The following MMP26 variants were observed in gnomAD, a reference collection of about 807,000 sequenced individuals.
MMP26 encodes the protein matrix metalloproteinase-26.
Under a neutral mutation model 31.0 loss-of-function variants are expected in MMP26, and 33 were observed. That is an observed-to-expected ratio of 1.06 (90% confidence interval 0.81 to 1.42). The LOEUF is 1.42. Ranked by LOEUF, MMP26 falls within the 40% of genes most tolerant of loss-of-function variation. MMP26 has a pLI of 0.00. For synonymous variants in MMP26, 122 were observed against 114.9 expected, an observed-to-expected ratio of 1.06 and a Z score of -0.40; for missense variants, 347 against 316.1, an observed-to-expected ratio of 1.10 and a Z score of -0.74.
intron 2 of MMP26, chr11:4,860,572 T>C (rs1850139904): frequency 2.2e-6 from 1 of 452,610 alleles, no homozygotes; most frequent in Non-Finnish European, 4.6e-6. Context: ...CATGTTGTTC[T>C]CACCATCGGG....
At chr11:4,810,873 G>C (rs978090039) in intron 2 of MMP26, among the ~76,000 whole-genome samples, 1 of 152,162 alleles carries the variant, frequency 6.6e-6, no homozygotes, top group Non-Finnish European at 1.5e-5. Flanking sequence ...ATTTGAGAAA[G>C]GAAAACATAT....
chr11:4,950,426 C>T (rs1197362294), intron 2 of MMP26, among the ~76,000 whole-genome samples: 1 of 119,920 alleles, frequency 8.3e-6, no homozygotes, highest in Non-Finnish European at 1.9e-5. Context: ...ATAAGCCAGG[C>T]ACAGAAAGAC....
chr11:4,776,794 ATGTAAGT>A, intron 2 of MMP26, among the ~76,000 whole-genome samples: 1 of 152,194 alleles, frequency 6.6e-6, no homozygotes, highest in Admixed American at 6.5e-5. Context: ...TCTACCATGA[ATGTAAGT>A]TTCCCGAGTC....
At chr11:4,715,477 GA>G (rs1847917643) in intron 1 of MMP26, among the ~76,000 whole-genome samples, 5 of 152,166 alleles carry the variant, frequency 3.3e-5, no homozygotes, top group Admixed American at 3.3e-4. Flanking sequence ...TCAAATAGTG[GA>G]TCTAAAATTT....
At chr11:4,964,528 G>C (rs1846564175) in intron 2 of MMP26, among the ~76,000 whole-genome samples, 1 of 152,040 alleles carries the variant, frequency 6.6e-6, no homozygotes, top group African/African-American at 2.4e-5. Flanking sequence ...CAAAGACCTA[G>C]AGGCAAAAAT....
At chr11:4,779,898 A>AT (rs1848835922) in intron 2 of MMP26, among the ~76,000 whole-genome samples, 1 of 152,044 alleles carries the variant, frequency 6.6e-6, no homozygotes, top group African/African-American at 2.4e-5. Context: ...GAAGCACCGT[A>AT]TTTTTTTCCA....
At chr11:4,705,549 A>C (rs1159367556) in intron 1 of MMP26, among the ~76,000 whole-genome samples, 1 of 152,194 alleles carries the variant, frequency 6.6e-6, no homozygotes, top group Non-Finnish European at 1.5e-5. Context: ...AGGGATGTTT[A>C]AGTTATAGGC....
intron 2 of MMP26, among the ~76,000 whole-genome samples, chr11:4,847,284 C>T (rs770758777): frequency 6.6e-6 from 1 of 152,162 alleles, no homozygotes; most frequent in African/African-American, 2.4e-5. Context: ...TGAATGTATA[C>T]TGCTGCTACT....
chr11:4,824,631 T>C (rs1224981590), intron 2 of MMP26, among the ~76,000 whole-genome samples: 1 of 152,146 alleles, frequency 6.6e-6, no homozygotes, highest in African/African-American at 2.4e-5. Context: ...TGGTAAATTC[T>C]CTTGTCCTAT....
At chr11:4,867,906 G>T (rs1290827673) in intron 2 of MMP26, among the ~76,000 whole-genome samples, 1 of 152,146 alleles carries the variant, frequency 6.6e-6, no homozygotes, top group East Asian at 1.9e-4. Context: ...ATACCTAAAA[G>T]AATAAAAATT....
chr11:4,732,112 A>G (rs931284812), intron 1 of MMP26, among the ~76,000 whole-genome samples: 1 of 152,184 alleles, frequency 6.6e-6, no homozygotes, highest in Non-Finnish European at 1.5e-5. Flanking sequence ...GGTCATTACA[A>G]TGGAGTTTAC....
Position 4,908,218 on chromosome 11 carries a change from G to T in MMP26, c.-144-79850G>T, listed in dbSNP as rs7119629. The T allele has an allele frequency of 8.7e-6, 14 of 1,614,032 alleles. No homozygotes were observed. The African/African-American group carries it at 1.2e-4, about 14-fold the overall frequency. ...TTGCAGATATGTTCTTGTTGGTGCC[G>T]CCCCTTATGAACCCCATTGTGTACT... On this transcript the variant is annotated intron_variant, in intron 2 of 7. Transcript: ENST00000380390.
chr11:4,990,510 A>G, intron 4 of MMP26, 88 bp from the exon 5 acceptor site: 2 of 1,295,834 alleles, frequency 1.5e-6, no homozygotes, highest in Non-Finnish European at 2.1e-6. Flanking sequence ...CTATTAAATG[A>G]TTCTCCCCAA....
At chr11:4,763,630 T>A (rs1298068437) in intron 1 of MMP26, among the ~76,000 whole-genome samples, 2 of 152,198 alleles carry the variant, frequency 1.3e-5, no homozygotes, top group Non-Finnish European at 2.9e-5. Context: ...GCTGTATTTA[T>A]TTTCATATGT....
intron 2 of MMP26, among the ~76,000 whole-genome samples, chr11:4,836,850 G>A (rs1365384712): frequency 1.3e-5 from 2 of 150,544 alleles, no homozygotes; most frequent in African/African-American, 4.9e-5. Context: ...TGTATTTTTG[G>A]TAGAGACGTG....
At chr11:4,883,782 T>C (rs1850511324) in intron 2 of MMP26, among the ~76,000 whole-genome samples, 1 of 152,156 alleles carries the variant, frequency 6.6e-6, no homozygotes, top group Non-Finnish European at 1.5e-5. Flanking sequence ...TTGCCTTTAT[T>C]AACAATATTT....
intron 2 of MMP26, among the ~76,000 whole-genome samples, chr11:4,979,930 G>C (rs568326567): frequency 6.6e-6 from 1 of 151,918 alleles, no homozygotes. Context: ...GTTTTGCCCC[G>C]GTGTTATGTT....
intron 2 of MMP26, among the ~76,000 whole-genome samples, chr11:4,783,785 C>A (rs762303051): frequency 3.9e-5 from 6 of 152,158 alleles, no homozygotes; most frequent in Non-Finnish European, 8.8e-5. Flanking sequence ...ATAAGTCTCA[C>A]AAGATCTGAT....
chr11:4,735,661 G>T (rs1455697767), intron 1 of MMP26, among the ~76,000 whole-genome samples: 2 of 151,956 alleles, frequency 1.3e-5, no homozygotes, highest in African/African-American at 4.8e-5. Context: ...GTTTGTTTCT[G>T]CCACTCTGTA....
Sources: gnomAD v4.1 joint callset for allele counts (sites outside exome capture counted in the v4.1 genomes callset) on GRCh38, gnomAD v4.1.1 for gene constraint, MANE v1.5 for transcripts, NCBI Gene and HGNC (gene_info 2026-07-23, HGNC 2026-07-21) for gene names.